CACNA1E: variants seen among roughly 807,000 people sequenced by gnomAD.
CACNA1E encodes the protein calcium voltage-gated channel subunit alpha1 E.
CACNA1E carries 40 observed loss-of-function variants against 259.2 expected under a neutral mutation model. The ratio of observed to expected loss-of-function variants is 0.15; its 90% CI spans 0.12 to 0.20. The LOEUF (loss-of-function observed/expected upper bound fraction) is 0.20. Ranked by LOEUF, CACNA1E falls within the 10% of genes least tolerant of loss-of-function variation. CACNA1E has a pLI of 1.00. For missense variants in CACNA1E, 1,874 were observed against 3,040.1 expected (o/e 0.62, Z 9.02); for synonymous variants, 1,104 against 1,138.5 (o/e 0.97, Z 0.61).
chr1:181,681,378 G>A (rs1028889764), intron 7 of CACNA1E, among the ~76,000 whole-genome samples: 1 of 151,844 alleles, frequency 6.6e-6, no homozygotes, highest in African/African-American at 2.4e-5. Context: ...TGGCCATCTT[G>A]GGGGGCCTCT....
At chr1:181,690,547 A>G (rs927826411) in intron 7 of CACNA1E, among the ~76,000 whole-genome samples, 3 of 151,832 alleles carry the variant, frequency 2.0e-5, no homozygotes, top group Non-Finnish European at 2.9e-5. Context: ...ATAGCATTGA[A>G]TCTGTAAATT....
intron 1 of CACNA1E, among the ~76,000 whole-genome samples, chr1:181,507,353 C>T (rs904916061): frequency 1.3e-5 from 2 of 152,230 alleles, no homozygotes; most frequent in Non-Finnish European, 2.9e-5. Context: ...GCTACACCTT[C>T]CTGAGCTAGC....
intron 7 of CACNA1E, among the ~76,000 whole-genome samples, chr1:181,707,255 T>C (rs1432737417): frequency 6.6e-6 from 1 of 152,218 alleles, no homozygotes; most frequent in East Asian, 1.9e-4. Context: ...CTGGAGCTGC[T>C]TAGGAGGTAC....
intron 7 of CACNA1E, among the ~76,000 whole-genome samples, chr1:181,674,394 C>CA (rs10711497): frequency 0.016 from 693 of 43,558 alleles, 62 homozygotes; most frequent in East Asian, 0.08. Flanking sequence ...GACTCCATCT[C>CA]AAAAAAAAAA....
intron 3 of CACNA1E, among the ~76,000 whole-genome samples, 152 bp from the exon 4 acceptor site, chr1:181,577,613 TG>T (rs1380111085): frequency 4.6e-5 from 7 of 152,242 alleles, no homozygotes; most frequent in African/African-American, 1.7e-4. Context: ...TTGGAGCCAC[TG>T]GTGATTCACC....
intron 6 of CACNA1E, among the ~76,000 whole-genome samples, chr1:181,608,900 A>G (rs1291018376): frequency 1.3e-5 from 2 of 152,164 alleles, no homozygotes; most frequent in African/African-American, 4.8e-5. Context: ...TGACCGTCAG[A>G]GGTTTCTGAG....
chr1:181,440,958 G>A (rs545342984), intron 2 of CACNA1E, among the ~76,000 whole-genome samples: 1 of 128,062 alleles, frequency 7.8e-6, no homozygotes, highest in African/African-American at 3.0e-5. Context: ...TCCAGCCTGG[G>A]TGAGAGAGCG....
intron 8 of CACNA1E, among the ~76,000 whole-genome samples, chr1:181,711,467 C>A (rs1653357143): frequency 6.6e-6 from 1 of 152,244 alleles, no homozygotes; most frequent in Admixed American, 6.5e-5. Context: ...TGGCAGTGAG[C>A]CAAACAGTCA....
At chr1:181,657,998 C>A (rs563924489) in intron 7 of CACNA1E, among the ~76,000 whole-genome samples, 1 of 152,280 alleles carries the variant, frequency 6.6e-6, no homozygotes, top group South Asian at 2.1e-4. Context: ...ACAGGCTCTC[C>A]TCTTGTATTT....
At chr1:181,755,469 G>A (rs1658009479) in intron 28 of CACNA1E, 72 bp downstream of exon 28, 3 of 1,159,124 alleles carry the variant, frequency 2.6e-6, no homozygotes, top group Non-Finnish European at 2.5e-6. Flanking sequence ...ACCACCACAG[G>A]TCCACCCTCC....
At chr1:181,370,254 CT>C (rs1213521653) in intron 1 of CACNA1E, among the ~76,000 whole-genome samples, 1 of 151,388 alleles carries the variant, frequency 6.6e-6, no homozygotes, top group Admixed American at 6.6e-5. Flanking sequence ...ACTATTCACA[CT>C]TGTATTGTTT....
chr1:181,679,788 A>C (rs1649751832), intron 7 of CACNA1E, among the ~76,000 whole-genome samples: 1 of 152,166 alleles, frequency 6.6e-6, no homozygotes, highest in Non-Finnish European at 1.5e-5. Flanking sequence ...AGAAGTGTGC[A>C]GAATTGACAA....
rs759983450 is a variant in CACNA1E at position 181,776,199 on chromosome 1, C to T, written c.5238C>T (p.Arg1746=). The T allele has an allele frequency of 5.3e-5, 85 of 1,613,876 alleles. No homozygotes were observed. The highest frequency in any genetic ancestry group is 2.7e-4 in the East Asian group (12 of 44,892). Residue 1746 remains arginine (R), a synonymous_variant, in exon 38 of 48, where the codon CGC becomes CGT. Coordinates refer to ENST00000367573, the MANE Select transcript of CACNA1E (RefSeq NM_001205293.3). This position sits in a 1 kb window ranked among gnomAD's most constrained non-coding sequence, Gnocchi z 4.4. ...CTCACCACTTGGACGAGTTTGTCCG[C>T]GTCTGGGCAGAATATGACCGAGCAG... The part of the protein sequence containing the change: ...LGPHHLDEFV[R]VWAEYDRAAC...
chr1:181,758,237 T>C lies in CACNA1E; in HGVS notation c.4494+126T>C, dbSNP rs1558354281. 3 of 906,556 alleles carry C rather than the reference T, an allele frequency of 3.3e-6. No individual in the cohort carries two copies. Among genetic ancestry groups the C allele is most frequent in the Admixed American group, 2.6e-5 (1 of 38,594 alleles). The allele number at this position is 906,556 out of a possible 1,614,324, so 56.2% of individuals were successfully genotyped here. A position where few individuals can be genotyped will look rare whatever the true frequency, so the allele number is the denominator to read the frequency against. ...CCTACTTTTCCATCATTGAATCCTT[T>C]TGTGATCTTATTTTGTTCAATAACC... On this transcript the variant is annotated intron_variant, in intron 31 of 47. Transcript: ENST00000367573. The surrounding 1 kb of genome is among the most constrained non-coding windows in gnomAD (Gnocchi z 4.2).
At chr1:181,765,089 T>A (rs1572838894) in intron 34 of CACNA1E, among the ~76,000 whole-genome samples, 1 of 152,286 alleles carries the variant, frequency 6.6e-6, no homozygotes, top group East Asian at 1.9e-4. Context: ...TAACAAAGAC[T>A]ACCTCTGCAA....
chr1:181,477,675 G>A (rs1662955464), intron 2 of CACNA1E, among the ~76,000 whole-genome samples: 1 of 152,114 alleles, frequency 6.6e-6, no homozygotes, highest in South Asian at 2.1e-4. Context: ...ACAACAGAGT[G>A]TGTTCATCCC....
intron 7 of CACNA1E, among the ~76,000 whole-genome samples, chr1:181,675,222 C>G (rs144486503): frequency 7.9e-5 from 12 of 152,256 alleles, no homozygotes; most frequent in African/African-American, 2.9e-4. Flanking sequence ...ATCTGCTTCT[C>G]TCTGCAGGAA....
chr1:181,471,118 A>G (rs1389544970), intron 2 of CACNA1E, among the ~76,000 whole-genome samples: 1 of 152,180 alleles, frequency 6.6e-6, no homozygotes, highest in African/African-American at 2.4e-5. Context: ...CAGCTGATGG[A>G]CAAAAAGGGC....
chr1:181,805,878 A>T lies in CACNA1E; in HGVS notation c.*7044A>T, dbSNP rs952490833. 1 of 152,274 alleles carries T rather than the reference A, an allele frequency of 6.6e-6. No homozygotes were observed. Among genetic ancestry groups the T allele is most frequent in the African/African-American group, 2.4e-5 (1 of 41,456 alleles). 9.4% of individuals were successfully genotyped at this position (152,274 alleles called of 1,614,324 possible). A position where few individuals can be genotyped will look rare whatever the true frequency, so the allele number is the denominator to read the frequency against. On this transcript the variant is annotated 3_prime_UTR_variant, in exon 48 of 48. Coordinates refer to ENST00000367573, the MANE Select transcript of CACNA1E (RefSeq NM_001205293.3). Reference sequence around the variant, plus strand: ...AGAGGGTAGGAAGACAAGCTGTAGAACAAAAGCAAAGTGAGGTAGAAAGTA... The same window carrying T: ...AGAGGGTAGGAAGACAAGCTGTAGATCAAAAGCAAAGTGAGGTAGAAAGTA...
Sources: allele counts gnomAD v4.1 joint callset (sites outside exome capture counted in the v4.1 genomes callset), GRCh38; gene constraint gnomAD v4.1.1; non-coding constraint Gnocchi (gnomAD v3.1); transcripts MANE v1.5; gene names NCBI Gene and HGNC (gene_info 2026-07-23, HGNC 2026-07-21).